Variants in CPQ observed in about 807,000 individuals in gnomAD.
CPQ encodes Ser-Met dipeptidase.
Under a neutral mutation model 45.7 loss-of-function variants are expected in CPQ, and 37 were observed. The ratio of observed to expected loss-of-function variants is 0.81; its 90% CI spans 0.62 to 1.07. The LOEUF (loss-of-function observed/expected upper bound fraction) is 1.07, where lower values mean the gene tolerates loss of function less well. Ranked by LOEUF, CPQ falls within the 50% of genes least tolerant of loss-of-function variation. The pLI, the probability that CPQ is intolerant of heterozygous loss-of-function variation, is 0.00. For synonymous variants in CPQ, 186 were observed against 205.8 expected (o/e 0.90, Z 0.82); for missense variants, 537 against 572.9 (o/e 0.94, Z 0.64).
intron 4 of CPQ, among the ~76,000 whole-genome samples, chr8:96,942,771 G>A (rs543881646): frequency 1.3e-4 from 20 of 152,256 alleles, no homozygotes; most frequent in Middle Eastern, 3.4e-3. Flanking sequence ...GATCTGGGGC[G>A]GGACCCAGGA....
At chr8:96,772,739 A>C (rs1810560296) in intron 1 of CPQ, among the ~76,000 whole-genome samples, 1 of 152,226 alleles carries the variant, frequency 6.6e-6, no homozygotes, top group South Asian at 2.1e-4. Flanking sequence ...AAATGTTTTC[A>C]TTGGAGTTAG....
intron 5 of CPQ, among the ~76,000 whole-genome samples, chr8:97,026,512 A>C (rs1011780556): frequency 6.6e-6 from 1 of 152,176 alleles, no homozygotes; most frequent in Non-Finnish European, 1.5e-5. Context: ...TAATTCTTGA[A>C]TGAAACCTCA....
At chr8:96,747,058 A>G (rs1048385294) in intron 1 of CPQ, among the ~76,000 whole-genome samples, 1 of 152,160 alleles carries the variant, frequency 6.6e-6, no homozygotes, top group African/African-American at 2.4e-5. Flanking sequence ...TGGGAGGCTG[A>G]GGCGGGTGGA....
chr8:96,850,517 C>G (rs770312710), intron 3 of CPQ, among the ~76,000 whole-genome samples: 4 of 151,962 alleles, frequency 2.6e-5, no homozygotes, highest in Non-Finnish European at 5.9e-5. Context: ...GATTCTGATG[C>G]TCGTAAATAC....
chr8:96,822,068 C>T (rs886138238), intron 2 of CPQ, among the ~76,000 whole-genome samples: 1 of 151,968 alleles, frequency 6.6e-6, no homozygotes, highest in African/African-American at 2.4e-5. Flanking sequence ...TCTACATTCC[C>T]TCATCTCTGG....
intron 6 of CPQ, among the ~76,000 whole-genome samples, chr8:97,042,080 C>T (rs1489024903): frequency 6.6e-6 from 1 of 152,144 alleles, no homozygotes; most frequent in Admixed American, 6.5e-5. Flanking sequence ...CTCCTTGTAC[C>T]TCTGGTAGAA....
intron 1 of CPQ, among the ~76,000 whole-genome samples, chr8:96,667,389 C>CCCGGG (rs1326739287): frequency 4.7e-5 from 7 of 149,236 alleles, no homozygotes; most frequent in African/African-American, 1.7e-4. Flanking sequence ...CACACTGTCA[C>CCCGGG]CTGGGCTGAA....
intron 4 of CPQ, among the ~76,000 whole-genome samples, chr8:96,947,237 C>T (rs1813202932): frequency 6.6e-6 from 1 of 152,118 alleles, no homozygotes; most frequent in South Asian, 2.1e-4. Flanking sequence ...ATGCCATGTG[C>T]CACATAATGC....
At chr8:96,930,873 G>A (rs1235660476) in intron 4 of CPQ, among the ~76,000 whole-genome samples, 1 of 152,216 alleles carries the variant, frequency 6.6e-6, no homozygotes, top group Non-Finnish European at 1.5e-5. Flanking sequence ...TTTTCCCACA[G>A]AGAGACATTT....
chr8:96,884,362 T>G (rs146764141), intron 4 of CPQ, among the ~76,000 whole-genome samples: 25 of 152,304 alleles, frequency 1.6e-4, no homozygotes, highest in African/African-American at 5.8e-4. Flanking sequence ...CTTCTGGTCT[T>G]TTCCATACTT....
At chr8:96,841,221 T>C (rs1811603725) in intron 3 of CPQ, among the ~76,000 whole-genome samples, 1 of 152,164 alleles carries the variant, frequency 6.6e-6, no homozygotes, top group African/African-American at 2.4e-5. Flanking sequence ...AACTGTAAGA[T>C]AGTCCCATTA....
chr8:96,959,718 T>C (rs1813420381), intron 4 of CPQ, among the ~76,000 whole-genome samples: 2 of 152,032 alleles, frequency 1.3e-5, no homozygotes, highest in Non-Finnish European at 2.9e-5. Flanking sequence ...TCATATTTTT[T>C]CAACCATTTA....
At chr8:97,087,349 T>C (rs775132973) in intron 7 of CPQ, among the ~76,000 whole-genome samples, 1 of 152,174 alleles carries the variant, frequency 6.6e-6, no homozygotes, top group Non-Finnish European at 1.5e-5. Context: ...ATACAGCCTG[T>C]GGCTCCCAGC....
At chr8:97,115,681 C>T (rs931551828) in intron 7 of CPQ, among the ~76,000 whole-genome samples, 5 of 152,132 alleles carry the variant, frequency 3.3e-5, no homozygotes, top group African/African-American at 9.7e-5. Context: ...ATGGGTACAG[C>T]GTGTGCTAAG....
intron 1 of CPQ, among the ~76,000 whole-genome samples, chr8:96,763,372 A>T (rs905060851): frequency 6.6e-6 from 1 of 152,102 alleles, no homozygotes; most frequent in Non-Finnish European, 1.5e-5. Flanking sequence ...TTGCCTTTGT[A>T]CCTTTCTCAA....
At chr8:96,780,018 G>A (rs1263226439) in intron 1 of CPQ, among the ~76,000 whole-genome samples, 1 of 152,092 alleles carries the variant, frequency 6.6e-6, no homozygotes, top group Non-Finnish European at 1.5e-5. Context: ...TGTGAAGGAG[G>A]CAAGGCCAGT....
intron 7 of CPQ, among the ~76,000 whole-genome samples, chr8:97,068,592 C>T (rs1810681284): frequency 6.6e-6 from 1 of 152,166 alleles, no homozygotes; most frequent in African/African-American, 2.4e-5. Flanking sequence ...GAGATCATGC[C>T]ACTGCACTCC....
intron 2 of CPQ, among the ~76,000 whole-genome samples, chr8:96,793,635 G>T (rs553125146): frequency 3.3e-5 from 5 of 152,240 alleles, no homozygotes; most frequent in African/African-American, 1.2e-4. Context: ...CCAACAGTTT[G>T]CCAAAATCTT....
At chr8:97,082,928 A>G (rs945732999) in intron 7 of CPQ, among the ~76,000 whole-genome samples, 1 of 152,192 alleles carries the variant, frequency 6.6e-6, no homozygotes, top group Non-Finnish European at 1.5e-5. Flanking sequence ...CAATGAGGTA[A>G]AACAACCACA....
Sources: allele counts gnomAD v4.1 joint callset (sites outside exome capture counted in the v4.1 genomes callset), GRCh38; gene constraint gnomAD v4.1.1; transcripts MANE v1.5; gene names NCBI Gene and HGNC (gene_info 2026-07-23, HGNC 2026-07-21).